The following VPS13D variants were observed in gnomAD, a reference collection of about 807,000 sequenced individuals.
The protein encoded by VPS13D is vacuolar protein sorting 13 homolog D.
Under a neutral mutation model 461.9 loss-of-function variants are expected in VPS13D, and 187 were observed. That is an observed-to-expected ratio of 0.40 (90% CI 0.36 to 0.46). VPS13D has a LOEUF of 0.46. Among genes scored for constraint, VPS13D ranks in the 20% least tolerant of loss-of-function variants. VPS13D has a pLI of 0.60. For missense variants in VPS13D, 4,711 were observed against 5,364.9 expected (o/e 0.88, Z 3.81); for synonymous variants, 1,951 against 1,986.3 (o/e 0.98, Z 0.47).
Position 12,373,735 on chromosome 1 carries a change from T to TA in VPS13D, c.10809-15_10809-14insA, listed in dbSNP as rs1207562247. The TA allele has an allele frequency of 7.8e-6, 11 of 1,416,186 alleles. No individual in the cohort carries two copies. The highest frequency in any genetic ancestry group is 3.0e-5 in the African/African-American group (2 of 67,030). 87.7% of individuals were successfully genotyped at this position (1,416,186 alleles called of 1,614,324 possible). A position where few individuals can be genotyped will look rare whatever the true frequency, so the allele number is the denominator to read the frequency against. On this transcript the variant is annotated splice_polypyrimidine_tract_variant and intron_variant, in intron 54 of 69. Coordinates refer to ENST00000620676, the MANE Select transcript of VPS13D (RefSeq NM_015378.4). ...TATATATTTTTATGTAATATATATA[T>TA]TTTTTAAATTCTAGCTTGCAGGAGG... is the stretch of plus-strand genomic sequence containing the variant.
chr1:12,291,985 G>C (rs189804174), intron 23 of VPS13D, among the ~76,000 whole-genome samples: 1 of 152,114 alleles, frequency 6.6e-6, no homozygotes, highest in Non-Finnish European at 1.5e-5. Flanking sequence ...AGGGCTGGGC[G>C]TGGTGGCTCA....
chr1:12,506,831 G>A, intron 68 of VPS13D, 22 bp from the exon 69 acceptor site: 1 of 1,610,414 alleles, frequency 6.2e-7, no homozygotes, highest in South Asian at 1.1e-5. Context: ...TGTCACTCCT[G>A]TGTTCCCGTC....
Position 12,354,112 on chromosome 1 carries a change from A to G in VPS13D, c.9570A>G (p.Leu3190=), listed in dbSNP as rs758317268. ...CAACTGTGGTAATCTGCAACTTGCT[A>G]CCCTGTGAACTTGATTTTTATGTTA... ...LLPTVVICNL[L]PCELDFYVKG... The change falls in exon 47 of 70, where the codon CTA becomes CTG. Residue 3190 remains leucine (L), a synonymous_variant. Coordinates refer to ENST00000620676, the MANE Select transcript of VPS13D (RefSeq NM_015378.4). 15 of 1,614,036 alleles carry G rather than the reference A, an allele frequency of 9.3e-6. No individual in the cohort carries two copies. The African/African-American group carries it at 2.0e-4, about 22-fold the overall frequency.
chr1:12,305,445 T>TTG (rs1569859059), intron 26 of VPS13D, among the ~76,000 whole-genome samples: 2 of 151,908 alleles, frequency 1.3e-5, no homozygotes, highest in South Asian at 2.1e-4. Context: ...CAGCTAATTT[T>TTG]TGTGTGTGTG....
intron 67 of VPS13D, among the ~76,000 whole-genome samples, chr1:12,487,543 G>A (rs939768454): frequency 6.6e-6 from 1 of 150,466 alleles, no homozygotes; most frequent in Non-Finnish European, 1.5e-5. Flanking sequence ...CCCAGGAGGT[G>A]GAGGTTGCAG....
chr1:12,300,272 G>A (rs1201015132), intron 25 of VPS13D, among the ~76,000 whole-genome samples: 2 of 138,818 alleles, frequency 1.4e-5, no homozygotes, highest in East Asian at 4.2e-4. Context: ...CAGTGGCACT[G>A]TGTTGGCTCA....
At chr1:12,416,598 C>G in intron 64 of VPS13D, 62 bp from the exon 65 acceptor site, 7 of 1,531,810 alleles carry the variant, frequency 4.6e-6, no homozygotes, top group East Asian at 2.3e-5. Context: ...GCTTGGGACA[C>G]TGGTATCTGC....
intron 66 of VPS13D, among the ~76,000 whole-genome samples, chr1:12,459,175 A>G (rs1450010844): frequency 6.6e-6 from 1 of 152,232 alleles, no homozygotes; most frequent in Non-Finnish European, 1.5e-5. Context: ...GGGGGAAAAA[A>G]GATTTCACGA....
Position 12,345,483 on chromosome 1 carries a change from C to G in VPS13D, c.8995C>G (p.Pro2999Ala), listed in dbSNP as rs376814696. The change falls in exon 43 of 70, where the codon CCA (proline) becomes GCA (alanine). Residue 2999 changes from proline (P) to alanine (A), a missense_variant. Pro to Ala is a conservative substitution (Grantham distance 27, BLOSUM62 -1). Transcript: ENST00000620676. ...CGGGACCTTTTTTCGATATGCAGCA[C>G]CAGATAAAAATTCATCTTCCTCTAC... ...KVGTFFRYAA[P>A]DKNSSSSTIG... is the part of the protein sequence containing the mutation. The G allele has an allele frequency of 2.0e-5, 32 of 1,613,106 alleles. No individual in the cohort carries two copies. Among genetic ancestry groups the G allele is most frequent in the Non-Finnish European group, 2.5e-5 (29 of 1,179,338 alleles).
chr1:12,449,866 TGTA>T (rs1645239380), intron 65 of VPS13D, among the ~76,000 whole-genome samples: 1 of 152,246 alleles, frequency 6.6e-6, no homozygotes, highest in Non-Finnish European at 1.5e-5. Context: ...GGCTTATGCC[TGTA>T]ATCCTAGCAC....
chr1:12,420,005 G>T (rs1644843308), intron 65 of VPS13D, among the ~76,000 whole-genome samples: 1 of 152,202 alleles, frequency 6.6e-6, no homozygotes, highest in Admixed American at 6.5e-5. Flanking sequence ...TGGGTGGATT[G>T]TCGTATATGC....
At chr1:12,450,644 A>G (rs1167014480) in intron 65 of VPS13D, among the ~76,000 whole-genome samples, 1 of 152,104 alleles carries the variant, frequency 6.6e-6, no homozygotes, top group Non-Finnish European at 1.5e-5. Context: ...GGGAACAAAT[A>G]CTCTACAGTG....
chr1:12,247,356 G>T (rs1640584501), intron 5 of VPS13D, among the ~76,000 whole-genome samples: 1 of 151,408 alleles, frequency 6.6e-6, no homozygotes, highest in East Asian at 2.0e-4. Flanking sequence ...GACGGAGGTT[G>T]CAGTGAGCCA....
At chr1:12,442,728 A>G (rs1215728379) in intron 65 of VPS13D, among the ~76,000 whole-genome samples, 1 of 151,810 alleles carries the variant, frequency 6.6e-6, no homozygotes, top group Non-Finnish European at 1.5e-5. Flanking sequence ...CTCCTGAGTA[A>G]CTGAGACTAC....
chr1:12,508,732 T>C (rs1230237097), intron 69 of VPS13D, among the ~76,000 whole-genome samples, 161 bp from the exon 70 acceptor site: 1 of 151,274 alleles, frequency 6.6e-6, no homozygotes, highest in Non-Finnish European at 1.5e-5. Context: ...CCCAGACTTG[T>C]GAGTGCGAGT....
Position 12,293,591 on chromosome 1 carries a change from G to A in VPS13D, c.5920G>A (p.Val1974Met). ...DIRVSLRMAS[V>M]QYVHTQRFQA... ...TCGCGTGAGCCTCCGGATGGCCTCT[G>A]TGCAGTATGTGCATACTCAGCGTTT... is the stretch of plus-strand genomic sequence containing the variant. The change falls in exon 24 of 70, where the codon GTG (valine) becomes ATG (methionine). Residue 1974 changes from valine to methionine, a missense_variant. By Grantham distance (21) the Val-to-Met change is conservative. Transcript: ENST00000620676. The A allele has an allele frequency of 6.2e-7, 1 of 1,614,170 alleles. No individual in the cohort carries two copies. Among genetic ancestry groups the A allele is most frequent in the Non-Finnish European group, 8.5e-7 (1 of 1,180,010 alleles).
Position 12,283,668 on chromosome 1 carries a change from A to G in VPS13D, c.5566A>G (p.Lys1856Glu), listed in dbSNP as rs1468258505. ...TCCTGAGGGCATTCTGCACAACGTGAAGTTGGAGCCACATGCCTCCATGGA... is the reference window on the plus strand; with the variant it reads ...TCCTGAGGGCATTCTGCACAACGTGGAGTTGGAGCCACATGCCTCCATGGA... ...LPPEGILHNVKLEPHASMESG... is the reference protein window; with the variant it reads ...LPPEGILHNVELEPHASMESG... Residue 1856 changes from lysine (K) to glutamate (E), a missense_variant, in exon 21 of 70, where the codon AAG (lysine) becomes GAG (glutamate). Transcript: ENST00000620676. 1 of 1,614,170 alleles carries G rather than the reference A, an allele frequency of 6.2e-7. No individual in the cohort carries two copies. The highest frequency in any genetic ancestry group is 1.1e-5 in the South Asian group (1 of 91,086).
At chr1:12,372,140 A>C (rs529666887) in intron 54 of VPS13D, among the ~76,000 whole-genome samples, 1 of 152,138 alleles carries the variant, frequency 6.6e-6, no homozygotes. Flanking sequence ...TGCATCCTCA[A>C]CCTCCTAGGA....
At chr1:12,368,389 G>A (rs1386593034) in intron 52 of VPS13D, 79 bp from the exon 53 acceptor site, 3 of 1,501,594 alleles carry the variant, frequency 2.0e-6, no homozygotes, top group Non-Finnish European at 2.7e-6. Flanking sequence ...TGTTGTGATT[G>A]TCAGAAATAT....
Sources: allele counts gnomAD v4.1 joint callset (sites outside exome capture counted in the v4.1 genomes callset), GRCh38; gene constraint gnomAD v4.1.1; transcripts MANE v1.5; gene names NCBI Gene and HGNC (gene_info 2026-07-23, HGNC 2026-07-21).